Variants in SUGCT observed in about 807,000 individuals in gnomAD.
SUGCT encodes succinyl-CoA:glutarate CoA-transferase.
Under a neutral mutation model 55.0 loss-of-function variants are expected in SUGCT, and 41 were observed. That is an observed-to-expected ratio of 0.74 (90% CI 0.58 to 0.97). The LOEUF (loss-of-function observed/expected upper bound fraction) is 0.97. SUGCT is among the 50% of genes least tolerant of loss of function. The pLI is 0.00. For synonymous variants in SUGCT, 187 were observed against 200.4 expected (o/e 0.93, Z 0.56); for missense variants, 568 against 547.8 (o/e 1.04, Z -0.37).
chr7:40,860,163 C>T (rs966149776), intron 13 of SUGCT, among the ~76,000 whole-genome samples, 153 bp from the exon 14 acceptor site: 2 of 152,224 alleles, frequency 1.3e-5, no homozygotes, highest in African/African-American at 4.8e-5. Flanking sequence ...TGTGAAAACA[C>T]GTTTATTTCC....
chr7:40,805,083 G>GTCT (rs1269697535), intron 13 of SUGCT, among the ~76,000 whole-genome samples: 1 of 152,196 alleles, frequency 6.6e-6, no homozygotes, highest in East Asian at 1.9e-4. Flanking sequence ...AAATGACTCT[G>GTCT]TCTTTTTACA....
At chr7:40,438,618 C>A (rs963414028) in intron 9 of SUGCT, among the ~76,000 whole-genome samples, 6 of 152,098 alleles carry the variant, frequency 3.9e-5, no homozygotes, top group African/African-American at 1.4e-4. Flanking sequence ...TTTAAAAATT[C>A]TAGACACTTG....
chr7:40,631,624 T>C (rs987222948), intron 12 of SUGCT, among the ~76,000 whole-genome samples: 3 of 152,186 alleles, frequency 2.0e-5, no homozygotes, highest in African/African-American at 7.2e-5. Context: ...AATAAGGTAA[T>C]GCCACAGACT....
chr7:40,237,601 G>A, intron 6 of SUGCT, 34 bp from the exon 7 acceptor site: 1 of 1,541,376 alleles, frequency 6.5e-7, no homozygotes, highest in Non-Finnish European at 9.0e-7. Flanking sequence ...CACACCCTGT[G>A]TGGTGCTGAA....
At chr7:40,443,353 C>G (rs932979683) in intron 9 of SUGCT, among the ~76,000 whole-genome samples, 2 of 152,086 alleles carry the variant, frequency 1.3e-5, no homozygotes, top group Non-Finnish European at 2.9e-5. Flanking sequence ...TGTAAAAGTG[C>G]TCCTATTTCT....
chr7:40,763,554 G>T (rs1482557655), intron 13 of SUGCT, among the ~76,000 whole-genome samples: 1 of 152,128 alleles, frequency 6.6e-6, no homozygotes, highest in African/African-American at 2.4e-5. Context: ...TTTGAGAGTG[G>T]GTGGTCACCA....
At chr7:40,777,357 G>C (rs1288708489) in intron 13 of SUGCT, among the ~76,000 whole-genome samples, 1 of 152,024 alleles carries the variant, frequency 6.6e-6, no homozygotes, top group Non-Finnish European at 1.5e-5. Flanking sequence ...TCAACTAGTG[G>C]AGAGGCCATG....
the SUGCT span, among the ~76,000 whole-genome samples, chr7:40,889,673 C>T: frequency 1.3e-3 from 201 of 152,256 alleles, no homozygotes; most frequent in African/African-American, 4.2e-3. Flanking sequence ...AATCTCTTGC[C>T]TAAGAAACTC....
At chr7:40,190,431 G>A (rs1232771265) in intron 5 of SUGCT, among the ~76,000 whole-genome samples, 1 of 152,048 alleles carries the variant, frequency 6.6e-6, no homozygotes, top group Non-Finnish European at 1.5e-5. Context: ...TGTAATTTTA[G>A]TAGCAATGGG....
At chr7:40,223,302 C>G (rs979392785) in intron 6 of SUGCT, among the ~76,000 whole-genome samples, 2 of 152,158 alleles carry the variant, frequency 1.3e-5, no homozygotes, top group Non-Finnish European at 2.9e-5. Context: ...CTCAAGTGAT[C>G]CACCCGCCTT....
chr7:40,332,478 A>G (rs1796375344), intron 9 of SUGCT, among the ~76,000 whole-genome samples: 1 of 149,694 alleles, frequency 6.7e-6, no homozygotes, highest in Non-Finnish European at 1.5e-5. Context: ...TACATAGTTA[A>G]ATTTAAGATA....
intron 12 of SUGCT, among the ~76,000 whole-genome samples, chr7:40,541,654 A>C (rs1312792719): frequency 6.6e-6 from 1 of 152,206 alleles, no homozygotes; most frequent in Non-Finnish European, 1.5e-5. Flanking sequence ...AATACAGTAC[A>C]TATTTTTCAA....
chr7:40,269,575 A>C (rs1215618665), intron 7 of SUGCT, among the ~76,000 whole-genome samples: 1 of 152,118 alleles, frequency 6.6e-6, no homozygotes, highest in East Asian at 1.9e-4. Context: ...CTCCGGCTTC[A>C]GCCTCCCAAA....
chr7:40,286,589 A>C (rs1344322752), intron 8 of SUGCT, among the ~76,000 whole-genome samples: 1 of 152,206 alleles, frequency 6.6e-6, no homozygotes, highest in Non-Finnish European at 1.5e-5. Flanking sequence ...GGGTAGACAT[A>C]GTAGTGGTTA....
chr7:40,135,966 C>G (rs1343254566), intron 1 of SUGCT, among the ~76,000 whole-genome samples: 1 of 149,094 alleles, frequency 6.7e-6, no homozygotes, highest in African/African-American at 2.5e-5. Flanking sequence ...GCGCGGCCCA[C>G]TATGAATCTT....
chr7:40,867,889 AAACTAT>A, the SUGCT span, among the ~76,000 whole-genome samples: 2 of 152,202 alleles, frequency 1.3e-5, no homozygotes, highest in Non-Finnish European at 2.9e-5. Flanking sequence ...CTCTTCTATT[AAACTAT>A]AATATAATTG....
chr7:40,943,779 C>T, the SUGCT span, among the ~76,000 whole-genome samples: 6 of 152,070 alleles, frequency 3.9e-5, no homozygotes, highest in African/African-American at 1.2e-4. Context: ...ATTTATAGTC[C>T]TTTGGGTAAA....
At chr7:40,747,582 A>C (rs1787796532) in intron 12 of SUGCT, among the ~76,000 whole-genome samples, 1 of 152,202 alleles carries the variant, frequency 6.6e-6, no homozygotes, top group Non-Finnish European at 1.5e-5. Flanking sequence ...GCTGGCATGA[A>C]ATCGTGGTCT....
chr7:40,382,589 A>G (rs1406209846), intron 9 of SUGCT, among the ~76,000 whole-genome samples: 2 of 152,184 alleles, frequency 1.3e-5, no homozygotes, highest in Admixed American at 1.3e-4. Context: ...TTATAGTGCT[A>G]ACTAGAATGT....
Sources: gnomAD v4.1 joint callset for allele counts (sites outside exome capture counted in the v4.1 genomes callset) on GRCh38, gnomAD v4.1.1 for gene constraint, MANE v1.5 for transcripts, NCBI Gene and HGNC (gene_info 2026-07-23, HGNC 2026-07-21) for gene names.